HOXA9: variants seen among roughly 807,000 people sequenced by gnomAD.
HOXA9 encodes homeobox protein Hox-A9.
HOXA9 carries 18 observed loss-of-function variants against 19.0 expected under a neutral mutation model. That is an observed-to-expected ratio of 0.95 (90% confidence interval 0.65 to 1.40). The LOEUF is 1.40. Among genes scored for constraint, HOXA9 ranks in the 40% most tolerant of loss-of-function variants. The pLI, the probability that HOXA9 is intolerant of heterozygous loss-of-function variation, is 0.00. For missense variants in HOXA9, 443 were observed against 372.2 expected (o/e 1.19, Z -1.57); for synonymous variants, 198 against 161.1 (o/e 1.23, Z -1.73).
Position 27,165,054 on chromosome 7 carries a change from T to G in HOXA9, c.404A>C (p.Glu135Ala). Residue 135 changes from glutamate to alanine, a missense_variant, in exon 1 of 2, where the codon GAA becomes GCA. Coordinates refer to ENST00000343483, the MANE Select transcript of HOXA9 (RefSeq NM_152739.4). ...PSSRPYGIKP[E>A]PLSARRGDCP... ...GTCACCCCTTCTGGCCGACAGCGGT[T>G]CAGGTTTAATGCCATAAGGCCGGCT... 1.9e-6 allele frequency: 3 copies of G among 1,614,118 alleles called. No homozygotes were observed. The highest frequency in any genetic ancestry group is 1.7e-6 in the Non-Finnish European group (2 of 1,179,984).
In HOXA9 at chr7:27,165,125, C is replaced by A. The variant is rs767704574; in HGVS notation, c.333G>T (p.Trp111Cys). ...AGAGCGCACCGGGCGTGGGCTCCAG[C>A]CAGGAGCGCATGTACCTGCCGTCCG... ...AAPDGRYMRS[W>C]LEPTPGALSF... is the part of the protein sequence containing the mutation. The change falls in exon 1 of 2, where the codon TGG (tryptophan) becomes TGT (cysteine). Residue 111 changes from tryptophan to cysteine, a missense_variant. By Grantham distance (215) the Trp-to-Cys change is radical. Coordinates refer to ENST00000343483, the MANE Select transcript of HOXA9 (RefSeq NM_152739.4). The A allele has an allele frequency of 6.2e-7, 1 of 1,608,078 alleles. No homozygotes were observed. The highest frequency in any genetic ancestry group is 8.5e-7 in the Non-Finnish European group (1 of 1,177,232).
At position 27,162,917 on chromosome 7, in the gene HOXA9, T is replaced by C. The variant is rs1203772047; in HGVS notation, c.*686A>G. On this transcript the variant is annotated 3_prime_UTR_variant, in exon 2 of 2. Coordinates refer to ENST00000343483, the MANE Select transcript of HOXA9 (RefSeq NM_152739.4). ...TATGCATCCCCGAGAACACTTAAAA[T>C]TTTTTTTTATTTCACTGGGAAATTC... 1 of 194,704 alleles carries C rather than the reference T, an allele frequency of 5.1e-6. No individual in the cohort carries two copies. 12.1% of individuals were successfully genotyped at this position (194,704 alleles called of 1,614,324 possible).
Position 27,165,198 on chromosome 7 carries a change from T to G in HOXA9, c.260A>C (p.His87Pro). ...CTGGGGGTGCACGTAGGGGTGGTGG[T>G]GATGGTGGTGGTACACCGCAGCGGG... ...AVPAAVYHHHHHHPYVHPQAP... is the reference protein window; with the variant it reads ...AVPAAVYHHHPHHPYVHPQAP... Residue 87 changes from histidine (H) to proline (P), a missense_variant, in exon 1 of 2, where the codon CAC becomes CCC. By Grantham distance (77) the His-to-Pro change is moderately conservative. Transcript: ENST00000343483. 1 of 1,589,432 alleles carries G rather than the reference T, an allele frequency of 6.3e-7. No individual in the cohort carries two copies. The highest frequency in any genetic ancestry group is 8.6e-7 in the Non-Finnish European group (1 of 1,168,968).
chr7:27,164,226 G>C (rs1429854584), intron 1 of HOXA9, among the ~76,000 whole-genome samples: 1 of 152,238 alleles, frequency 6.6e-6, no homozygotes, highest in Admixed American at 6.5e-5. Flanking sequence ...CCCGTTCACT[G>C]ACTTCGTCTT....
chr7:27,163,711 G>A lies in HOXA9; in HGVS notation c.711C>T (p.Tyr237=), dbSNP rs778712347. Residue 237 remains tyrosine (Y), a synonymous_variant, in exon 2 of 2, where the codon TAC becomes TAT. Transcript: ENST00000343483. ...FNMYLTRDRR[Y]EVARLLNLTE... is the part of the protein sequence containing the mutation. ...TGAGGTTGAGCAGTCGAGCCACCTC[G>A]TACCTGCGGTCCCTGGTGAGGTACA... 12 of 1,613,894 alleles carry A rather than the reference G, an allele frequency of 7.4e-6. No individual in the cohort carries two copies. Among genetic ancestry groups the A allele is most frequent in the Non-Finnish European group, 1.0e-5 (12 of 1,179,970 alleles).
chr7:27,165,299 C>T lies in HOXA9; in HGVS notation c.159G>A (p.Pro53=). 1.9e-6 allele frequency: 3 copies of T among 1,570,512 alleles called. No individual in the cohort carries two copies. Among genetic ancestry groups the T allele is most frequent in the Non-Finnish European group, 1.7e-6 (2 of 1,159,670 alleles). ...ATLAEHPDFS[P]CSFQSKATVF... ...CCGTCGCCTTGGACTGGAAGCTGCA[C>T]GGGCTGAAGTCGGGGTGCTCGGCCA... is the stretch of plus-strand genomic sequence containing the variant. The change falls in exon 1 of 2, where the codon CCG becomes CCA. Residue 53 remains proline, a synonymous_variant. Coordinates refer to ENST00000343483, the MANE Select transcript of HOXA9 (RefSeq NM_152739.4).
At position 27,163,693 on chromosome 7, in the gene HOXA9, G is replaced by A. The variant is rs767646325; in HGVS notation, c.729C>T (p.Leu243=). Residue 243 remains leucine, a synonymous_variant, in exon 2 of 2, where the codon CTC becomes CTT. Transcript: ENST00000343483. ...RDRRYEVARL[L]NLTERQVKIW... ...TCTTGACCTGCCTCTCGGTGAGGTT[G>A]AGCAGTCGAGCCACCTCGTACCTGC... The A allele has an allele frequency of 3.7e-6, 6 of 1,613,856 alleles. No individual in the cohort carries two copies. The Admixed American group carries it at 5.0e-5, about 13-fold the overall frequency.
chr7:27,162,982 T>G lies in HOXA9; in HGVS notation c.*621A>C, dbSNP rs1783231510. ...CAATCATAGGTTAACAGCCTAGTTA[T>G]ACAGAAGACATATTCCACTACAGAG... On this transcript the variant is annotated 3_prime_UTR_variant, in exon 2 of 2. Coordinates refer to ENST00000343483, the MANE Select transcript of HOXA9 (RefSeq NM_152739.4). The G allele has an allele frequency of 5.0e-6, 1 of 200,890 alleles. No homozygotes were observed. The highest frequency in any genetic ancestry group is 6.0e-5 in the Admixed American group (1 of 16,594). 12.4% of individuals were successfully genotyped at this position (200,890 alleles called of 1,614,324 possible). A position where few individuals can be genotyped will look rare whatever the true frequency, so the allele number is the denominator to read the frequency against.
rs1320471834 is a variant in HOXA9 at position 27,163,025 on chromosome 7, GT to G, written c.*577del. ...CTACAGAGCTATACTCTATGCAACT[GT>G]TTTTTTCCCCTCATAAACAACCTGA... On this transcript the variant is annotated 3_prime_UTR_variant, in exon 2 of 2. Coordinates refer to ENST00000343483, the MANE Select transcript of HOXA9 (RefSeq NM_152739.4). 21 of 205,868 alleles carry G rather than the reference GT, an allele frequency of 1.0e-4. No individual in the cohort carries two copies. The highest frequency in any genetic ancestry group is 8.2e-4 in the East Asian group (11 of 13,378). 12.8% of individuals were successfully genotyped at this position (205,868 alleles called of 1,614,324 possible). A position where few individuals can be genotyped will look rare whatever the true frequency, so the allele number is the denominator to read the frequency against.
chr7:27,163,627 G>A lies in HOXA9; in HGVS notation c.795C>T (p.Asn265=), dbSNP rs1345826945. The change falls in exon 2 of 2, where the codon AAC becomes AAT. Residue 265 remains asparagine, a synonymous_variant. Transcript: ENST00000343483. ...QNRRMKMKKI[N]KDRAKDE ...ATCACTCGTCTTTTGCTCGGTCTTT[G>A]TTGATTTTCTTCATTTTCATCCTGC... 3 of 1,612,784 alleles carry A rather than the reference G, an allele frequency of 1.9e-6. No individual in the cohort carries two copies. In the Admixed American group the frequency reaches 5.0e-5, roughly 27 times the overall value.
At chr7:27,164,675 C>A (rs950758301) in intron 1 of HOXA9, among the ~76,000 whole-genome samples, 1 of 152,222 alleles carries the variant, frequency 6.6e-6, no homozygotes, top group African/African-American at 2.4e-5. Flanking sequence ...CCTCCTCTCC[C>A]GTAGCCCTGC....
Position 27,162,544 on chromosome 7 carries a change from G to T in HOXA9, c.*1059C>A, listed in dbSNP as rs759592020. The T allele has an allele frequency of 4.7e-5, 10 of 212,616 alleles. No individual in the cohort carries two copies. The highest frequency in any genetic ancestry group is 6.8e-5 in the African/African-American group (3 of 44,090). 13.2% of individuals were successfully genotyped at this position (212,616 alleles called of 1,614,324 possible). A position where few individuals can be genotyped will look rare whatever the true frequency, so the allele number is the denominator to read the frequency against. On this transcript the variant is annotated 3_prime_UTR_variant, in exon 2 of 2. Coordinates refer to ENST00000343483, the MANE Select transcript of HOXA9 (RefSeq NM_152739.4). ...AACTATTGCAAAATATACAGTGTAA[G>T]TTCAGTCTGATGGAAACCCCAGATT...
rs1181623992 is a variant in HOXA9 at position 27,164,986 on chromosome 7, C to T, written c.472G>A (p.Ala158Thr). 6.2e-7 allele frequency: 1 copy of T among 1,614,240 alleles called. No homozygotes were observed. The highest frequency in any genetic ancestry group is 1.1e-5 in the South Asian group (1 of 91,088). The change falls in exon 1 of 2, where the codon GCT (alanine) becomes ACT (threonine). Residue 158 changes from alanine (A) to threonine (T), a missense_variant. Physicochemically the swap from Ala to Thr is moderately conservative, Grantham distance 58. Coordinates refer to ENST00000343483, the MANE Select transcript of HOXA9 (RefSeq NM_152739.4). ...CTATCAACTGGAGGAGAACCACAAG[C>T]ATAGTCAGTCAGGGACAAAGTGTGA... ...DTHTLSLTDY[A>T]CGSPPVDREK...
At chr7:27,164,745 C>A in intron 1 of HOXA9, 133 bp downstream of exon 1, 1 of 1,414,894 alleles carries the variant, frequency 7.1e-7, no homozygotes, top group Non-Finnish European at 9.4e-7. Context: ...CAAACACCAA[C>A]TTCTGGCTCC....
In HOXA9 at chr7:27,163,027, T is replaced by C. The variant is rs1403952983; in HGVS notation, c.*576A>G. ...ACAGAGCTATACTCTATGCAACTGT[T>C]TTTTTCCCCTCATAAACAACCTGAG... is the stretch of plus-strand genomic sequence containing the variant. On this transcript the variant is annotated 3_prime_UTR_variant, in exon 2 of 2. Transcript: ENST00000343483. The C allele has an allele frequency of 1.5e-5, 3 of 206,138 alleles. No homozygotes were observed. Among genetic ancestry groups the C allele is most frequent in the Non-Finnish European group, 3.0e-5 (3 of 101,022 alleles). 12.8% of individuals were successfully genotyped at this position (206,138 alleles called of 1,614,324 possible). A position where few individuals can be genotyped will look rare whatever the true frequency, so the allele number is the denominator to read the frequency against.
rs1370995506 is a variant in HOXA9 at position 27,165,114 on chromosome 7, G to A, written c.344C>T (p.Thr115Met). The change falls in exon 1 of 2, where the codon ACG becomes ATG. Residue 115 changes from threonine to methionine, a missense_variant. Thr to Met is a moderately conservative substitution (Grantham distance 81, BLOSUM62 -1). Coordinates refer to ENST00000343483, the MANE Select transcript of HOXA9 (RefSeq NM_152739.4). ...GCCCGCGAAGGAGAGCGCACCGGGC[G>A]TGGGCTCCAGCCAGGAGCGCATGTA... ...GRYMRSWLEPTPGALSFAGLP... is the reference protein window; with the variant it reads ...GRYMRSWLEPMPGALSFAGLP... 7 of 1,610,734 alleles carry A rather than the reference G, an allele frequency of 4.3e-6. No individual in the cohort carries two copies. The highest frequency in any genetic ancestry group is 5.9e-6 in the Non-Finnish European group (7 of 1,178,726).
At chr7:27,164,772 G>A (rs1332091130) in intron 1 of HOXA9, 106 bp downstream of exon 1, 11 of 1,507,678 alleles carry the variant, frequency 7.3e-6, no homozygotes, top group Admixed American at 2.2e-5. Flanking sequence ...CAACTCGAGA[G>A]GCTTCCAGCG....
chr7:27,164,790 A>C, intron 1 of HOXA9, 88 bp downstream of exon 1: 1 of 1,546,616 alleles, frequency 6.5e-7, no homozygotes, highest in Non-Finnish European at 8.7e-7. Flanking sequence ...GCGAGGACGA[A>C]GGCAGGCTCG....
chr7:27,165,357 G>T lies in HOXA9; in HGVS notation c.101C>A (p.Thr34Asn). 6.3e-7 allele frequency: 1 copy of T among 1,595,756 alleles called. No homozygotes were observed. Among genetic ancestry groups the T allele is most frequent in the Non-Finnish European group, 8.5e-7 (1 of 1,172,884 alleles). Residue 34 changes from threonine (T) to asparagine (N), a missense_variant, in exon 1 of 2, where the codon ACC (threonine) becomes AAC (asparagine). Transcript: ENST00000343483. ...CGCCTGCCGGGGAGGCTGGCCCAGGGTCCCCGGCGCATAGCGGCCAACGCT... is the reference window on the plus strand; with the variant it reads ...CGCCTGCCGGGGAGGCTGGCCCAGGTTCCCCGGCGCATAGCGGCCAACGCT... Reference protein sequence around the residue: ...ELSVGRYAPGTLGQPPRQAAT... With the variant: ...ELSVGRYAPGNLGQPPRQAAT...
Sources: allele counts gnomAD v4.1 joint callset (sites outside exome capture counted in the v4.1 genomes callset), GRCh38; gene constraint gnomAD v4.1.1; transcripts MANE v1.5; gene names NCBI Gene and HGNC (gene_info 2026-07-23, HGNC 2026-07-21).